Variants in SGIP1 observed in about 807,000 individuals in gnomAD.
SGIP1 encodes the protein SH3-containing GRB2-like protein 3-interacting protein 1.
A neutral mutation model predicts 107.5 loss-of-function variants in SGIP1; 38 were observed. The observed-to-expected ratio is 0.35, with a 90% CI of 0.27 to 0.46. The LOEUF (loss-of-function observed/expected upper bound fraction) is 0.46, where lower values mean the gene tolerates loss of function less well. Ranked by LOEUF, SGIP1 falls within the 20% of genes least tolerant of loss-of-function variation. SGIP1 has a pLI of 1.00. For missense variants in SGIP1, 929 were observed against 1,019.5 expected (o/e 0.91, Z 1.21); for synonymous variants, 365 against 366.1 (o/e 1.00, Z 0.03).
intron 18 of SGIP1, 45 bp downstream of exon 18, chr1:66,695,538 C>T (rs1557661272): frequency 6.3e-7 from 1 of 1,575,776 alleles, no homozygotes; most frequent in Non-Finnish European, 8.7e-7. Flanking sequence ...TACTCCTCCT[C>T]ATCCTTATTT....
At position 66,743,386 on chromosome 1, in the gene SGIP1, T is replaced by C. The variant is rs1378411972; in HGVS notation, c.*291T>C. 4 of 267,370 alleles carry C rather than the reference T, an allele frequency of 1.5e-5. No homozygotes were observed. Among genetic ancestry groups the C allele is most frequent in the African/African-American group, 8.8e-5 (4 of 45,240 alleles). The allele number at this position is 267,370 out of a possible 1,614,324, so 16.6% of individuals were successfully genotyped here. A position where few individuals can be genotyped will look rare whatever the true frequency, so the allele number is the denominator to read the frequency against. The stretch of plus-strand genomic sequence containing the variant: ...GTTAGACACTTGAGTTTTAGCATTT[T>C]ACCATTCCTGAAATGGATGTAATTT... On this transcript the variant is annotated 3_prime_UTR_variant, in exon 25 of 25. Coordinates refer to ENST00000371037, the MANE Select transcript of SGIP1 (RefSeq NM_032291.4).
At chr1:66,615,995 G>C (rs1384967881) in intron 1 of SGIP1, 1 of 152,210 alleles carries the variant, frequency 6.6e-6, no homozygotes, top group African/African-American at 2.4e-5. Flanking sequence ...AAGGAGCACT[G>C]ACCTACTTTC....
intron 1 of SGIP1, among the ~76,000 whole-genome samples, chr1:66,592,925 T>TTTC (rs2063918466): frequency 8.3e-6 from 1 of 119,842 alleles, no homozygotes; most frequent in Admixed American, 8.5e-5. Flanking sequence ...TTTTTTTTTT[T>TTTC]TTGAGAAAGG....
intron 1 of SGIP1, among the ~76,000 whole-genome samples, chr1:66,557,462 T>C (rs1332947261): frequency 2.6e-5 from 4 of 152,104 alleles, no homozygotes; most frequent in Non-Finnish European, 4.4e-5. Flanking sequence ...CTATTTTTTT[T>C]CCCTTTAACT....
intron 7 of SGIP1, among the ~76,000 whole-genome samples, chr1:66,653,304 T>C (rs925711111): frequency 2.0e-5 from 3 of 152,186 alleles, no homozygotes; most frequent in Admixed American, 6.5e-5. Flanking sequence ...CCTTCATTAC[T>C]GATTTTTTTT....
chr1:66,538,244 C>A (rs1304319926), intron 1 of SGIP1, among the ~76,000 whole-genome samples: 1 of 152,026 alleles, frequency 6.6e-6, no homozygotes, highest in South Asian at 2.1e-4. Context: ...GAAGCTGGAG[C>A]TGTTCATTTT....
intron 1 of SGIP1, among the ~76,000 whole-genome samples, chr1:66,549,739 G>A (rs368038502): frequency 2.0e-5 from 3 of 152,058 alleles, no homozygotes; most frequent in East Asian, 1.9e-4. Context: ...CACTTGCCTT[G>A]ATGTGCTCTA....
At chr1:66,583,220 A>C (rs915088697) in intron 1 of SGIP1, among the ~76,000 whole-genome samples, 9 of 152,118 alleles carry the variant, frequency 5.9e-5, no homozygotes. Context: ...GAAAGATGGA[A>C]TTGTGCAAGA....
At position 66,644,724 on chromosome 1, in the gene SGIP1, A is replaced by G. The variant is rs143589590; in HGVS notation, c.459+1005A>G. 6.4e-3 allele frequency among the ~76,000 whole-genome samples: 978 copies of G among 152,282 alleles called. 13 individuals carry two copies. Among genetic ancestry groups the G allele is most frequent in the African/African-American group, 0.022 (919 of 41,552 alleles). On this transcript the variant is annotated intron_variant, in intron 7 of 24. Transcript: ENST00000371037. ...CTCCCTGGGATGAAAAGTGTCTATA[A>G]TGACGCTTTCTTTAGTGTTTAATGC...
chr1:66,571,378 A>T (rs746136407), intron 1 of SGIP1, among the ~76,000 whole-genome samples: 25 of 152,026 alleles, frequency 1.6e-4, no homozygotes, highest in Non-Finnish European at 2.6e-4. Context: ...CAAACATACT[A>T]TTAAAAAGAT....
intron 1 of SGIP1, among the ~76,000 whole-genome samples, chr1:66,612,883 G>A (rs2068329862): frequency 6.6e-6 from 1 of 152,168 alleles, no homozygotes; most frequent in Non-Finnish European, 1.5e-5. Flanking sequence ...GTAGCAACTG[G>A]AAAACTCTGA....
intron 2 of SGIP1, 74 bp from the exon 3 acceptor site, chr1:66,632,996 T>C: frequency 1.1e-6 from 1 of 947,948 alleles, no homozygotes; most frequent in Non-Finnish European, 1.7e-6. Flanking sequence ...TTATTGGTTC[T>C]TACTGTTGTA....
intron 1 of SGIP1, among the ~76,000 whole-genome samples, chr1:66,568,105 T>C (rs1461930189): frequency 6.6e-6 from 1 of 152,196 alleles, no homozygotes; most frequent in Non-Finnish European, 1.5e-5. Flanking sequence ...AGTATGGCCA[T>C]TTTCACAATA....
chr1:66,729,247 G>C lies in SGIP1; in HGVS notation c.1743-17G>C, dbSNP rs1449225757. On this transcript the variant is annotated splice_polypyrimidine_tract_variant and intron_variant, in intron 19 of 24. Transcript: ENST00000371037. ...TGGATTTTCTCTCTCTTTCCTCTCT[G>C]TGTTTTGATATGCCAGATGTATCGT... is the stretch of plus-strand genomic sequence containing the variant. 2 of 1,613,470 alleles carry C rather than the reference G, an allele frequency of 1.2e-6. No individual in the cohort carries two copies.
At chr1:66,741,466 C>A (rs764247673) in intron 24 of SGIP1, 30 bp downstream of exon 24, 2 of 1,531,018 alleles carry the variant, frequency 1.3e-6, no homozygotes, top group Middle Eastern at 1.7e-4. Flanking sequence ...TTTTCATTTG[C>A]GAAAATAATG....
rs78171655 is a variant in SGIP1, at chr1:66,693,173, C to A, written c.1571-2261C>A. ...GGTGGTAATCTGGTGGTAATGCCAG[C>A]TGAGATGGGAGGATTACATGACCCC... On this transcript the variant is annotated intron_variant, in intron 17 of 24. Transcript: ENST00000371037. Among the ~76,000 whole-genome samples the A allele has an allele frequency of 9.4e-4, 143 of 151,886 alleles. 2 individuals are homozygous for A. The East Asian group carries it at 0.025, about 26-fold the overall frequency.
At chr1:66,706,241 A>G (rs970195836) in intron 18 of SGIP1, among the ~76,000 whole-genome samples, 21 of 149,574 alleles carry the variant, frequency 1.4e-4, no homozygotes, top group African/African-American at 4.6e-4. Flanking sequence ...TTGGTCACTC[A>G]TCTTTATTAC....
At position 66,749,206 on chromosome 1, in the gene SGIP1, C is replaced by G. The variant is rs1254718509; in HGVS notation, c.*6111C>G. Reference sequence around the variant, plus strand: ...TATGACCAGCATATCAGACCCCTATCTGTTGAAGATGTTTCCAATTCTTTG... The same window carrying G: ...TATGACCAGCATATCAGACCCCTATGTGTTGAAGATGTTTCCAATTCTTTG... On this transcript the variant is annotated 3_prime_UTR_variant, in exon 25 of 25. Coordinates refer to ENST00000371037, the MANE Select transcript of SGIP1 (RefSeq NM_032291.4). 6.6e-6 allele frequency among the ~76,000 whole-genome samples: 1 copy of G among 151,988 alleles called. No homozygotes were observed. The highest frequency in any genetic ancestry group is 2.4e-5 in the African/African-American group (1 of 41,418).
intron 1 of SGIP1, among the ~76,000 whole-genome samples, chr1:66,605,187 T>C (rs2066590790): frequency 6.6e-6 from 1 of 152,340 alleles, no homozygotes; most frequent in African/African-American, 2.4e-5. Context: ...TGTCTTCTTC[T>C]TATTTAGTGT....
Sources: allele counts gnomAD v4.1 joint callset (sites outside exome capture counted in the v4.1 genomes callset), GRCh38; gene constraint gnomAD v4.1.1; transcripts MANE v1.5; gene names NCBI Gene and HGNC (gene_info 2026-07-23, HGNC 2026-07-21).